ATOSA: variants seen among roughly 807,000 people sequenced by gnomAD.
The protein encoded by ATOSA is atos homolog A, also known as atos homolog protein A.
chr15:52,676,293 T>C, the ATOSA span, among the ~76,000 whole-genome samples: 1 of 152,232 alleles, frequency 6.6e-6, no homozygotes, highest in African/African-American at 2.4e-5. Flanking sequence ...CGTTAAGAGT[T>C]GTCCATAACT....
the ATOSA span, chr15:52,587,046 T>G: frequency 1.3e-6 from 2 of 1,581,204 alleles, no homozygotes; most frequent in East Asian, 4.6e-5. Context: ...GCAGCCCCAC[T>G]GTTACTTACC....
chr15:52,601,904 T>C, the ATOSA span, among the ~76,000 whole-genome samples: 1 of 152,174 alleles, frequency 6.6e-6, no homozygotes, highest in Admixed American at 6.5e-5. Context: ...TTTTGGAGAG[T>C]TGTACAAGTG....
the ATOSA span, among the ~76,000 whole-genome samples, chr15:52,630,977 G>GA: frequency 2.6e-5 from 4 of 152,222 alleles, no homozygotes; most frequent in African/African-American, 9.6e-5. Context: ...TATTTTAAAA[G>GA]AGACAACACA....
chr15:52,662,572 C>T, the ATOSA span, among the ~76,000 whole-genome samples: 1 of 151,988 alleles, frequency 6.6e-6, no homozygotes, highest in Non-Finnish European at 1.5e-5. Context: ...AGATCGAGAC[C>T]ATCCTGGCTA....
chr15:52,678,749 A>C, the ATOSA span: 4 of 152,946 alleles, frequency 2.6e-5, no homozygotes, highest in African/African-American at 9.7e-5. Context: ...GGAGGTGTTT[A>C]CAGCCTGTGC....
At chr15:52,666,399 T>G in the ATOSA span, among the ~76,000 whole-genome samples, 2 of 152,202 alleles carry the variant, frequency 1.3e-5, no homozygotes, top group Non-Finnish European at 2.9e-5. Context: ...CAATACCTGA[T>G]AAGTAAACAT....
the ATOSA span, among the ~76,000 whole-genome samples, chr15:52,662,534 G>A: frequency 1.1e-4 from 16 of 152,242 alleles, no homozygotes; most frequent in South Asian, 2.5e-3. Context: ...ACTTTGGGAG[G>A]CCAAGGAGGG....
At chr15:52,594,189 T>A in the ATOSA span, among the ~76,000 whole-genome samples, 4 of 152,216 alleles carry the variant, frequency 2.6e-5, no homozygotes, top group African/African-American at 4.8e-5. Flanking sequence ...CATCAAAAGA[T>A]GAAGTCAAGC....
the ATOSA span, among the ~76,000 whole-genome samples, chr15:52,630,105 A>G: frequency 2.6e-5 from 4 of 152,286 alleles, 1 homozygote; most frequent in South Asian, 6.2e-4. Context: ...CCAGACTCCC[A>G]TCTTTCAAAC....
chr15:52,637,302 G>A, the ATOSA span, among the ~76,000 whole-genome samples: 1 of 151,886 alleles, frequency 6.6e-6, no homozygotes, highest in Non-Finnish European at 1.5e-5. Context: ...GGGGGCAGGA[G>A]AAAAAGGGAG....
At chr15:52,686,665 T>G in the ATOSA span, among the ~76,000 whole-genome samples, 8 of 152,226 alleles carry the variant, frequency 5.3e-5, no homozygotes, top group Admixed American at 3.3e-4. Flanking sequence ...CATAGAGAAT[T>G]CTAGGAGCTA....
chr15:52,622,890 A>G, the ATOSA span, among the ~76,000 whole-genome samples: 1 of 152,094 alleles, frequency 6.6e-6, no homozygotes, highest in Non-Finnish European at 1.5e-5. Context: ...TGGGAAACCA[A>G]GATGGGTGGA....
chr15:52,622,849 A>T, the ATOSA span, among the ~76,000 whole-genome samples: 1 of 152,074 alleles, frequency 6.6e-6, no homozygotes, highest in East Asian at 1.9e-4. Flanking sequence ...TTAGTCAGGC[A>T]TGGTGGCTCA....
chr15:52,645,104 A>G, the ATOSA span, among the ~76,000 whole-genome samples: 1 of 152,244 alleles, frequency 6.6e-6, no homozygotes, highest in Non-Finnish European at 1.5e-5. Flanking sequence ...AGTAGGGGGC[A>G]GTCGTATGGA....
chr15:52,590,408 C>T, the ATOSA span, among the ~76,000 whole-genome samples: 10 of 152,190 alleles, frequency 6.6e-5, no homozygotes, highest in East Asian at 7.7e-4. Flanking sequence ...GACTCCCAAC[C>T]GGAGAATAAT....
the ATOSA span, among the ~76,000 whole-genome samples, chr15:52,653,858 T>C: frequency 6.6e-6 from 1 of 152,120 alleles, no homozygotes; most frequent in South Asian, 2.1e-4. Flanking sequence ...ATGCCCCATT[T>C]ATATTTTTAT....
chr15:52,708,226 A>C, the ATOSA span, among the ~76,000 whole-genome samples: 6 of 152,320 alleles, frequency 3.9e-5, no homozygotes, highest in African/African-American at 1.4e-4. Flanking sequence ...TACTCCTTCC[A>C]GAGCCACTCT....
At chr15:52,598,188 C>T in the ATOSA span, among the ~76,000 whole-genome samples, 12 of 152,174 alleles carry the variant, frequency 7.9e-5, no homozygotes, top group African/African-American at 2.9e-4. Flanking sequence ...CTTACATATA[C>T]ACACTCATTA....
At chr15:52,630,812 ACACT>A in the ATOSA span, among the ~76,000 whole-genome samples, 4 of 152,374 alleles carry the variant, frequency 2.6e-5, no homozygotes, top group Non-Finnish European at 5.9e-5. Context: ...ATGCTGTGAT[ACACT>A]CATATAATGG....
Sources: gnomAD v4.1 joint callset for allele counts (sites outside exome capture counted in the v4.1 genomes callset) on GRCh38, gnomAD v4.1.1 for gene constraint, MANE v1.5 for transcripts, NCBI Gene and HGNC (gene_info 2026-07-23, HGNC 2026-07-21) for gene names.